The following PRAMEF17 variants were observed in gnomAD, a reference collection of about 807,000 sequenced individuals.
PRAMEF17 encodes the protein PRAME family member 17.
Under a neutral mutation model 36.8 loss-of-function variants are expected in PRAMEF17, and 48 were observed. The observed-to-expected ratio is 1.30, with a 90% confidence interval of 1.03 to 1.66. The LOEUF is 1.66. Ranked by LOEUF, PRAMEF17 falls within the 40% of genes most tolerant of loss-of-function variation. PRAMEF17 has a pLI of 0.00. For synonymous variants in PRAMEF17, 246 were observed against 220.4 expected (o/e 1.12, Z -1.03); for missense variants, 639 against 560.6 (o/e 1.14, Z -1.41).
chr1:13,391,380 G>T (rs1215383040), intron 2 of PRAMEF17, among the ~76,000 whole-genome samples: 9 of 152,182 alleles, frequency 5.9e-5, no homozygotes, highest in African/African-American at 2.2e-4. Flanking sequence ...GTCTGTAAAA[G>T]GTTCTTTTGA....
At chr1:13,391,068 C>T (rs1299602699) in intron 2 of PRAMEF17, 149 bp downstream of exon 2, 362 of 1,270,572 alleles carry the variant, frequency 2.8e-4, no homozygotes, top group Non-Finnish European at 3.8e-4. Context: ...TTATGCTGTT[C>T]AGTGCTCTAT....
chr1:13,390,418 T>G lies in PRAMEF17; in HGVS notation c.365T>G (p.Leu122Arg), dbSNP rs747315993. 1.9e-5 allele frequency: 30 copies of G among 1,611,672 alleles called. No individual in the cohort carries two copies. The highest frequency in any genetic ancestry group is 1.7e-5 in the Admixed American group (1 of 59,960). The change falls in exon 2 of 3, where the codon CTC (leucine) becomes CGC (arginine). Residue 122 changes from leucine (L) to arginine (R), a missense_variant. Transcript: ENST00000376098. ...FWTIWSGARA[L>R]SCSPEAMSKR... Reference sequence around the variant, plus strand: ...ACTATATGGTCTGGAGCCAGGGCCCTCTCCTGCTCCCCAGAGGCCATGAGT... The same window carrying G: ...ACTATATGGTCTGGAGCCAGGGCCCGCTCCTGCTCCCCAGAGGCCATGAGT...
In PRAMEF17 at chr1:13,389,647, G is replaced by C; in HGVS notation, c.-11G>C. ...TTGTCCTCTAGAGTTTTTCACTGGA[G>C]ATTTGTCAGAATGAGCCTCCAGTCC... On this transcript the variant is annotated 5_prime_UTR_variant, in exon 1 of 3. Transcript: ENST00000376098. The C allele has an allele frequency of 1.2e-6, 2 of 1,611,970 alleles. No individual in the cohort carries two copies. The highest frequency in any genetic ancestry group is 1.7e-6 in the Non-Finnish European group (2 of 1,179,860).
chr1:13,389,634 G>C lies in PRAMEF17; in HGVS notation c.-24G>C. The C allele has an allele frequency of 6.2e-7, 1 of 1,611,954 alleles. No individual in the cohort carries two copies. The highest frequency in any genetic ancestry group is 8.5e-7 in the Non-Finnish European group (1 of 1,179,842). ...CCTTTTCACTGGATTGTCCTCTAGA[G>C]TTTTTCACTGGAGATTTGTCAGAAT... On this transcript the variant is annotated 5_prime_UTR_variant, in exon 1 of 3. Coordinates refer to ENST00000376098, the MANE Select transcript of PRAMEF17 (RefSeq NM_001099851.3).
Position 13,392,585 on chromosome 1 carries a change from T to G in PRAMEF17, c.*83T>G. On this transcript the variant is annotated 3_prime_UTR_variant, in exon 3 of 3. Coordinates refer to ENST00000376098, the MANE Select transcript of PRAMEF17 (RefSeq NM_001099851.3). ...CTAGGACACAGGTGGGTTTTTTTGT[T>G]TTTTTGTTTTTTTTTTGATGGAGTC... 6.4e-7 allele frequency: 1 copy of G among 1,565,236 alleles called. No homozygotes were observed. Among genetic ancestry groups the G allele is most frequent in the Non-Finnish European group, 8.6e-7 (1 of 1,158,846 alleles).
At chr1:13,390,082 T>C in intron 1 of PRAMEF17, 138 bp downstream of exon 1, 3 of 1,412,272 alleles carry the variant, frequency 2.1e-6, no homozygotes, top group Non-Finnish European at 2.9e-6. Flanking sequence ...CCTTGACCAT[T>C]GCCCAGATCC....
intron 2 of PRAMEF17, among the ~76,000 whole-genome samples, chr1:13,391,287 A>C (rs981617900): frequency 6.6e-6 from 1 of 152,188 alleles, no homozygotes; most frequent in Non-Finnish European, 1.5e-5. Flanking sequence ...AAGAAGGGAA[A>C]GTGCATCAAA....
rs750610779 is a variant in PRAMEF17 at position 13,391,927 on chromosome 1, T to C, written c.867-17T>C. 1,940 of 1,606,352 alleles carry C rather than the reference T, an allele frequency of 1.2e-3. 22 individuals carry two copies. In the East Asian group the frequency reaches 0.018, roughly 15 times the overall value. On this transcript the variant is annotated splice_polypyrimidine_tract_variant and intron_variant, in intron 2 of 2. Coordinates refer to ENST00000376098, the MANE Select transcript of PRAMEF17 (RefSeq NM_001099851.3). Reference sequence around the variant, plus strand: ...AACTGGCACCATTGCCCATAACTAATTTCTTGCTCTCCCCAGGTGCCTCAA... The same window carrying C: ...AACTGGCACCATTGCCCATAACTAACTTCTTGCTCTCCCCAGGTGCCTCAA...
Position 13,392,180 on chromosome 1 carries a change from T to C in PRAMEF17, c.1103T>C (p.Val368Ala). 2 of 1,611,924 alleles carry C rather than the reference T, an allele frequency of 1.2e-6. No individual in the cohort carries two copies. Among genetic ancestry groups the C allele is most frequent in the Non-Finnish European group, 1.7e-6 (2 of 1,179,832 alleles). The stretch of plus-strand genomic sequence containing the variant: ...CAGATCCAGGACTCCCAGCTCAGGG[T>C]CCTCCTGCCTGCCCTGAGCCGCTGC... Reference protein sequence around the residue: ...DCQIQDSQLRVLLPALSRCSQ... With the variant: ...DCQIQDSQLRALLPALSRCSQ... Residue 368 changes from valine (V) to alanine (A), a missense_variant, in exon 3 of 3, where the codon GTC (valine) becomes GCC (alanine). Physicochemically the swap from Val to Ala is moderately conservative, Grantham distance 64. Transcript: ENST00000376098.
rs1640853078 is a variant in PRAMEF17, at chr1:13,389,662, G to T, written c.5G>T (p.Ser2Ile). 3 of 1,611,868 alleles carry T rather than the reference G, an allele frequency of 1.9e-6. No homozygotes were observed. The highest frequency in any genetic ancestry group is 2.5e-6 in the Non-Finnish European group (3 of 1,179,862). M[S>I]LQSPSRLLEL... ...TTTCACTGGAGATTTGTCAGAATGA[G>T]CCTCCAGTCCCCATCCAGACTCCTG... Residue 2 changes from serine (S) to isoleucine (I), a missense_variant, in exon 1 of 3, where the codon AGC becomes ATC. By Grantham distance (142) the Ser-to-Ile change is moderately radical. Coordinates refer to ENST00000376098, the MANE Select transcript of PRAMEF17 (RefSeq NM_001099851.3).
rs1198777268 is a variant in PRAMEF17 at position 13,390,820 on chromosome 1, T to C, written c.767T>C (p.Val256Ala). The change falls in exon 2 of 3, where the codon GTT becomes GCT. Residue 256 changes from valine to alanine, a missense_variant. Val to Ala is a moderately conservative substitution (Grantham distance 64, BLOSUM62 0). Transcript: ENST00000376098. ...TATGTAAGCGGCCAACAGCAGTTCG[T>C]TCCTGACTTGGACTGTCCATTCCTC... is the stretch of plus-strand genomic sequence containing the variant. Reference protein sequence around the residue: ...ELYVSGQQQFVPDLDCPFLCL... With the variant: ...ELYVSGQQQFAPDLDCPFLCL... 19 of 1,611,928 alleles carry C rather than the reference T, an allele frequency of 1.2e-5. No individual in the cohort carries two copies. The highest frequency in any genetic ancestry group is 1.6e-5 in the Non-Finnish European group (19 of 1,179,876).
Position 13,390,435 on chromosome 1 carries a change from G to A in PRAMEF17, c.382G>A (p.Ala128Thr). Reference sequence around the variant, plus strand: ...CAGGGCCCTCTCCTGCTCCCCAGAGGCCATGAGTAAGAGGCAGACAGTGGA... The same window carrying A: ...CAGGGCCCTCTCCTGCTCCCCAGAGACCATGAGTAAGAGGCAGACAGTGGA... ...GARALSCSPE[A>T]MSKRQTVEDY... The change falls in exon 2 of 3, where the codon GCC (alanine) becomes ACC (threonine). Residue 128 changes from alanine (A) to threonine (T), a missense_variant. By Grantham distance (58) the Ala-to-Thr change is moderately conservative. Transcript: ENST00000376098. 2.5e-6 allele frequency: 4 copies of A among 1,611,996 alleles called. No individual in the cohort carries two copies. The highest frequency in any genetic ancestry group is 3.4e-6 in the Non-Finnish European group (4 of 1,179,838).
In PRAMEF17 at chr1:13,389,705, C is replaced by T; in HGVS notation, c.48C>T (p.Ser16=). Residue 16 remains serine (S), a synonymous_variant, in exon 1 of 3, where the codon AGC becomes AGT. Coordinates refer to ENST00000376098, the MANE Select transcript of PRAMEF17 (RefSeq NM_001099851.3). ...PSRLLELAGQ[S]LLRNQFLTIF... ...GACTCCTGGAGCTGGCAGGCCAGAG[C>T]CTGCTGAGGAACCAGTTCTTGACCA... is the stretch of plus-strand genomic sequence containing the variant. The T allele has an allele frequency of 1.2e-6, 2 of 1,612,070 alleles. No individual in the cohort carries two copies. Among genetic ancestry groups the T allele is most frequent in the East Asian group, 4.5e-5 (2 of 44,872 alleles).
intron 1 of PRAMEF17, 99 bp downstream of exon 1, chr1:13,390,043 C>CAG (rs1640859154): frequency 6.4e-7 from 1 of 1,567,580 alleles, no homozygotes; most frequent in African/African-American, 1.4e-5. Flanking sequence ...TAGGGTGGCT[C>CAG]AGAGGCTTCT....
chr1:13,390,244 A>G (rs1640861432), intron 1 of PRAMEF17, 97 bp from the exon 2 acceptor site: 10 of 1,570,382 alleles, frequency 6.4e-6, no homozygotes, highest in Non-Finnish European at 8.7e-6. Context: ...CACTGAGGAC[A>G]GGAGCAGCTG....
chr1:13,390,609 C>G lies in PRAMEF17; in HGVS notation c.556C>G (p.Gln186Glu). ...GLVHLCCNKVQNYSMPTSSFR... is the reference protein window; with the variant it reads ...GLVHLCCNKVENYSMPTSSFR... ...AGTGCACCTGTGTTGTAATAAGGTG[C>G]AGAATTACTCAATGCCCACTTCAAG... Residue 186 changes from glutamine to glutamate, a missense_variant, in exon 2 of 3, where the codon CAG (glutamine) becomes GAG (glutamate). Transcript: ENST00000376098. 2 of 1,611,956 alleles carry G rather than the reference C, an allele frequency of 1.2e-6. No homozygotes were observed. The highest frequency in any genetic ancestry group is 1.7e-6 in the Non-Finnish European group (2 of 1,179,862).
rs1640900906 is a variant in PRAMEF17 at position 13,392,576 on chromosome 1, T to G, written c.*74T>G. 6.4e-7 allele frequency: 1 copy of G among 1,562,754 alleles called. No homozygotes were observed. The highest frequency in any genetic ancestry group is 8.6e-7 in the Non-Finnish European group (1 of 1,156,592). ...CACTAAAATCTAGGACACAGGTGGG[T>G]TTTTTTGTTTTTTTGTTTTTTTTTT... is the stretch of plus-strand genomic sequence containing the variant. On this transcript the variant is annotated 3_prime_UTR_variant, in exon 3 of 3. Coordinates refer to ENST00000376098, the MANE Select transcript of PRAMEF17 (RefSeq NM_001099851.3).
Position 13,392,158 on chromosome 1 carries a change from A to G in PRAMEF17, c.1081A>G (p.Ile361Val), listed in dbSNP as rs1640893936. 6 of 1,611,854 alleles carry G rather than the reference A, an allele frequency of 3.7e-6. No homozygotes were observed. The highest frequency in any genetic ancestry group is 2.2e-5 in the East Asian group (1 of 44,888). Residue 361 changes from isoleucine (I) to valine (V), a missense_variant, in exon 3 of 3, where the codon ATC (isoleucine) becomes GTC (valine). Ile to Val is a conservative substitution (Grantham distance 29). Coordinates refer to ENST00000376098, the MANE Select transcript of PRAMEF17 (RefSeq NM_001099851.3). Reference protein sequence around the residue: ...LEILTLKDCQIQDSQLRVLLP... With the variant: ...LEILTLKDCQVQDSQLRVLLP... Reference sequence around the variant, plus strand: ...GATCCTCACGTTAAAGGACTGTCAGATCCAGGACTCCCAGCTCAGGGTCCT... The same window carrying G: ...GATCCTCACGTTAAAGGACTGTCAGGTCCAGGACTCCCAGCTCAGGGTCCT...
chr1:13,392,354 A>T lies in PRAMEF17; in HGVS notation c.1277A>T (p.Asn426Ile). ...LECLDNRGHV[N>I]WEILAPIRAE... Reference sequence around the variant, plus strand: ...TGTCTTGACAACAGGGGTCATGTCAATTGGGAGATCCTCGCCCCAATTCGG... The same window carrying T: ...TGTCTTGACAACAGGGGTCATGTCATTTGGGAGATCCTCGCCCCAATTCGG... Residue 426 changes from asparagine to isoleucine, a missense_variant, in exon 3 of 3, where the codon AAT (asparagine) becomes ATT (isoleucine). Transcript: ENST00000376098. 1 of 1,611,868 alleles carries T rather than the reference A, an allele frequency of 6.2e-7. No homozygotes were observed. Among genetic ancestry groups the T allele is most frequent in the East Asian group, 2.2e-5 (1 of 44,856 alleles).
Sources: allele counts gnomAD v4.1 joint callset (sites outside exome capture counted in the v4.1 genomes callset), GRCh38; gene constraint gnomAD v4.1.1; transcripts MANE v1.5; gene names NCBI Gene and HGNC (gene_info 2026-07-23, HGNC 2026-07-21).